The following DACH2 variants were observed in gnomAD, a reference collection of about 807,000 sequenced individuals.
The protein encoded by DACH2 is dachshund family transcription factor 2, also known as dachshund homolog 2.
DACH2 carries 17 observed loss-of-function variants against 35.8 expected under a neutral mutation model. The ratio of observed to expected loss-of-function variants is 0.48; its 90% CI spans 0.33 to 0.71. DACH2 has a LOEUF of 0.71. Ranked by LOEUF, DACH2 falls within the 30% of genes least tolerant of loss-of-function variation. The pLI is 0.02. For missense variants in DACH2, 469 were observed against 472.7 expected (o/e 0.99, Z 0.07); for synonymous variants, 195 against 177.3 (o/e 1.10, Z -0.79).
At chrX:86,447,115 G>A (rs1266069453) in intron 2 of DACH2, among the ~76,000 whole-genome samples, 2 of 97,404 alleles carry the variant, frequency 2.1e-5, no homozygotes, top group South Asian at 1.1e-3. Flanking sequence ...GTCTGTTCAT[G>A]TCCTTTGCCC....
chrX:86,713,127 A>C (rs1207118136), intron 5 of DACH2, among the ~76,000 whole-genome samples: 2 of 111,736 alleles, frequency 1.8e-5, no homozygotes, highest in Admixed American at 9.6e-5. Context: ...GTTTTAGATC[A>C]ACCATTATAA....
At chrX:86,626,900 A>T (rs907453098) in intron 3 of DACH2, among the ~76,000 whole-genome samples, 1 of 111,873 alleles carries the variant, frequency 8.9e-6, no homozygotes, top group Non-Finnish European at 1.9e-5. Flanking sequence ...TGCTGGGAAG[A>T]CCTCTGACAT....
rs1425761565 is a variant in DACH2 at position 86,531,755 on chromosome X, T to C, written c.640+17364T>C. On this transcript the variant is annotated intron_variant, in intron 3 of 11. Coordinates refer to ENST00000373125, the MANE Select transcript of DACH2 (RefSeq NM_053281.3). ...ACAGCATCCCCACTGGGACACTGCC[T>C]AGTGGAGCTGAGAGAAGAGGGCCAC... Among the ~76,000 whole-genome samples, 4 of 112,287 alleles carry C rather than the reference T, an allele frequency of 3.6e-5. 1 individual carries two copies.
At chrX:86,653,080 A>C (rs2040496140) in intron 4 of DACH2, among the ~76,000 whole-genome samples, 1 of 111,994 alleles carries the variant, frequency 8.9e-6, no homozygotes, top group South Asian at 3.7e-4. Flanking sequence ...ATATTTAGGA[A>C]TTTAATCCAC....
intron 3 of DACH2, among the ~76,000 whole-genome samples, chrX:86,632,494 GCACACA>G (rs3041616): frequency 1.1e-3 from 101 of 95,987 alleles, no homozygotes; most frequent in African/African-American, 3.3e-3. Context: ...TCATACACAT[GCACACA>G]CACACACACA....
intron 1 of DACH2, among the ~76,000 whole-genome samples, chrX:86,295,922 A>G (rs1234925691): frequency 9.1e-6 from 1 of 109,911 alleles, no homozygotes; most frequent in East Asian, 2.9e-4. Context: ...GGTTCTTATG[A>G]AGGGATGTGT....
At chrX:86,259,757 CTTAAG>C (rs2033591378) in intron 1 of DACH2, among the ~76,000 whole-genome samples, 1 of 111,848 alleles carries the variant, frequency 8.9e-6, no homozygotes, top group South Asian at 3.7e-4. Flanking sequence ...CTGGATAAAA[CTTAAG>C]TTAAACTTTG....
intron 2 of DACH2, among the ~76,000 whole-genome samples, chrX:86,487,941 T>C (rs890092971): frequency 1.5e-4 from 17 of 111,618 alleles, no homozygotes; most frequent in African/African-American, 5.5e-4. Flanking sequence ...TGACATTAGC[T>C]GTGTTATCTA....
At chrX:86,431,381 C>G (rs1454934687) in intron 2 of DACH2, among the ~76,000 whole-genome samples, 1 of 111,706 alleles carries the variant, frequency 9.0e-6, no homozygotes, top group Non-Finnish European at 1.9e-5. Context: ...CAAATGGTAT[C>G]TTACTTAGAA....
intron 3 of DACH2, among the ~76,000 whole-genome samples, chrX:86,643,534 A>G: frequency 9.0e-6 from 1 of 111,432 alleles, no homozygotes; most frequent in East Asian, 2.8e-4. Flanking sequence ...CCAGATGTAC[A>G]AAGAAGAGCT....
At chrX:86,434,345 C>T (rs1356565162) in intron 2 of DACH2, among the ~76,000 whole-genome samples, 1 of 111,480 alleles carries the variant, frequency 9.0e-6, no homozygotes, top group Non-Finnish European at 1.9e-5. Context: ...TCTAATTATA[C>T]TTATCGCTAC....
intron 2 of DACH2, among the ~76,000 whole-genome samples, chrX:86,396,880 T>G (rs1287645555): frequency 1.8e-5 from 2 of 111,090 alleles, no homozygotes; most frequent in African/African-American, 6.6e-5. Context: ...GGGCTCTTTT[T>G]TGGTTCCATA....
At chrX:86,595,743 T>G (rs2039703684) in intron 3 of DACH2, among the ~76,000 whole-genome samples, 1 of 108,916 alleles carries the variant, frequency 9.2e-6, no homozygotes, top group Non-Finnish European at 1.9e-5. Flanking sequence ...GTTATATATA[T>G]AGTTTTACAT....
chrX:86,446,398 C>T (rs1479074241), intron 2 of DACH2, among the ~76,000 whole-genome samples: 5 of 71,509 alleles, frequency 7.0e-5, no homozygotes, highest in Admixed American at 1.7e-4. Flanking sequence ...CACCCACTAA[C>T]GTGTCATCTA....
chrX:86,609,855 G>T lies in DACH2; in HGVS notation c.641-41181G>T, dbSNP rs763643361. Among the ~76,000 whole-genome samples, 9 of 111,572 alleles carry T rather than the reference G, an allele frequency of 8.1e-5. No homozygotes were observed. In the East Asian group the frequency reaches 2.6e-3, roughly 32 times the overall value. On this transcript the variant is annotated intron_variant, in intron 3 of 11. Transcript: ENST00000373125. ...TTCTGAGCCACCTATTACTGGGGGT[G>T]GAGTGACAAAAGCAGCCCTATGGCC...
At chrX:86,614,132 TTTC>T (rs2039978208) in intron 3 of DACH2, among the ~76,000 whole-genome samples, 1 of 111,909 alleles carries the variant, frequency 8.9e-6, no homozygotes. Context: ...AAGAAAACAT[TTTC>T]TTTATTGATT....
chrX:86,535,720 C>T (rs1351492970), intron 3 of DACH2, among the ~76,000 whole-genome samples: 1 of 109,904 alleles, frequency 9.1e-6, no homozygotes, highest in East Asian at 2.9e-4. Context: ...GAAAAAAAAA[C>T]GGTAGGCTTT....
chrX:86,607,458 A>T (rs2039873282), intron 3 of DACH2, among the ~76,000 whole-genome samples: 1 of 111,780 alleles, frequency 8.9e-6, no homozygotes, highest in Non-Finnish European at 1.9e-5. Flanking sequence ...AAATAAAGAA[A>T]CAAACAACTA....
chrX:86,731,015 A>T (rs2041527223), intron 6 of DACH2, among the ~76,000 whole-genome samples: 5 of 111,887 alleles, frequency 4.5e-5, no homozygotes, highest in Admixed American at 3.8e-4. Flanking sequence ...GAGTGCTCAT[A>T]GACTCAAATG....
Sources: allele counts gnomAD v4.1 joint callset (sites outside exome capture counted in the v4.1 genomes callset), GRCh38; gene constraint gnomAD v4.1.1; transcripts MANE v1.5; gene names NCBI Gene and HGNC (gene_info 2026-07-23, HGNC 2026-07-21).